The following ARHGEF4 variants were observed in gnomAD, a reference collection of about 807,000 sequenced individuals.
ARHGEF4 encodes Rho guanine nucleotide exchange factor 4.
ARHGEF4 carries 119 observed loss-of-function variants against 162.0 expected under a neutral mutation model. The ratio of observed to expected loss-of-function variants is 0.73; its 90% CI spans 0.63 to 0.86. ARHGEF4 has a LOEUF of 0.86. Among genes scored for constraint, ARHGEF4 ranks in the 40% least tolerant of loss-of-function variants. The pLI is 0.00. For missense variants in ARHGEF4, 2,488 were observed against 2,456.0 expected, an observed-to-expected ratio of 1.01 and a Z score of -0.28; for synonymous variants, 1,014 against 979.9, an observed-to-expected ratio of 1.03 and a Z score of -0.65.
chr2:130,978,800 A>G (rs1018474578), intron 4 of ARHGEF4, among the ~76,000 whole-genome samples: 2 of 152,218 alleles, frequency 1.3e-5, no homozygotes, highest in South Asian at 4.1e-4. Flanking sequence ...AAAAAGAATC[A>G]GCAATATTTC....
Position 130,930,297 on chromosome 2 carries a change from A to G in ARHGEF4, c.3553-655A>G, listed in dbSNP as rs1283067129. ...CAAAGTAGGTGTTCATGGGGTGGGC[A>G]TAGGGGATCGTTAGACTTGGACAAC... On this transcript the variant is annotated intron_variant, in intron 2 of 13. Transcript: ENST00000409359. Among the ~76,000 whole-genome samples, 3 of 152,200 alleles carry G rather than the reference A, an allele frequency of 2.0e-5. No homozygotes were observed. The East Asian group carries it at 5.8e-4, about 29-fold the overall frequency.
At position 131,028,009 on chromosome 2, in the gene ARHGEF4, G is replaced by C. The variant is rs2105368880; in HGVS notation, c.4050G>C (p.Leu1350=). The change falls in exon 5 of 14, where the codon CTG becomes CTC. Residue 1350 remains leucine, a synonymous_variant. Transcript: ENST00000409359. ...CADEVGSEED[L]YDDLHSSSHH... ...ACGAAGTGGGGAGCGAGGAGGACCT[G>C]TATGATGACCTGCACAGCTCCAGCC... 1 of 1,614,104 alleles carries C rather than the reference G, an allele frequency of 6.2e-7. No individual in the cohort carries two copies. The highest frequency in any genetic ancestry group is 1.7e-5 in the Admixed American group (1 of 60,024).
chr2:131,001,164 G>A (rs140566698), intron 4 of ARHGEF4, among the ~76,000 whole-genome samples: 3,334 of 151,846 alleles, frequency 0.022, 128 homozygotes, highest in African/African-American at 0.076. Context: ...TTAGCCGGGC[G>A]TGGCAGTGCA....
At chr2:131,040,516 G>A in intron 8 of ARHGEF4, 76 bp downstream of exon 8, 2 of 1,458,344 alleles carry the variant, frequency 1.4e-6, no homozygotes, top group Non-Finnish European at 1.8e-6. Context: ...GCGGACAGCG[G>A]GTGGCTGGTC....
chr2:131,031,818 G>T (rs1359557473), intron 5 of ARHGEF4, among the ~76,000 whole-genome samples: 2 of 152,144 alleles, frequency 1.3e-5, no homozygotes, highest in African/African-American at 4.8e-5. Flanking sequence ...GACTCTCTTG[G>T]GCTGCACTGT....
At chr2:130,948,056 C>T (rs1052245451) in intron 4 of ARHGEF4, among the ~76,000 whole-genome samples, 1 of 152,200 alleles carries the variant, frequency 6.6e-6, no homozygotes, top group Non-Finnish European at 1.5e-5. Context: ...CAGGTCCTGT[C>T]GGTGCCGAAG....
chr2:131,007,402 C>T (rs1688185278), intron 4 of ARHGEF4, among the ~76,000 whole-genome samples: 1 of 152,190 alleles, frequency 6.6e-6, no homozygotes, highest in South Asian at 2.1e-4. Flanking sequence ...ATAGTTATTA[C>T]TTTTTCACTC....
Position 130,915,952 on chromosome 2 carries a change from G to T in ARHGEF4, c.2006G>T (p.Ser669Ile). The stretch of plus-strand genomic sequence containing the variant: ...AAGGAAAGACCAGAATCTCCCTTGA[G>T]CACTGGCGAGACCCCCTGTGAGTCT... ...FPKERPESPL[S>I]TGETPCESPT... The change falls in exon 2 of 14, where the codon AGC becomes ATC. Residue 669 changes from serine to isoleucine, a missense_variant. By Grantham distance (142) the Ser-to-Ile change is moderately radical (BLOSUM62 -2). This residue lies in a region of ARHGEF4 where 1,642 missense variants were observed against 1,481.5 expected (regional missense o/e 1.11). Coordinates refer to ENST00000409359, the MANE Select transcript of ARHGEF4 (RefSeq NM_001367493.1). The T allele has an allele frequency of 6.4e-7, 1 of 1,550,580 alleles. No individual in the cohort carries two copies. Among genetic ancestry groups the T allele is most frequent in the Non-Finnish European group, 8.7e-7 (1 of 1,146,988 alleles).
At chr2:130,851,224 A>G (rs1391750892) in intron 1 of ARHGEF4, among the ~76,000 whole-genome samples, 1 of 152,256 alleles carries the variant, frequency 6.6e-6, no homozygotes, top group African/African-American at 2.4e-5. Context: ...CCTGGCAGCC[A>G]GGCAGCTGTG....
At position 130,856,121 on chromosome 2, in the gene ARHGEF4, A is replaced by C. The variant is rs190924473; in HGVS notation, c.39+19129A>C. ...TTCAAATAACTAAAGGAAGCCATGA[A>C]TAAAGAATTCAAGGAAGGTGTGATA... On this transcript the variant is annotated intron_variant, in intron 1 of 13. Transcript: ENST00000409359. 2.0e-5 allele frequency among the ~76,000 whole-genome samples: 3 copies of C among 152,360 alleles called. 1 individual carries two copies. The highest frequency in any genetic ancestry group is 1.3e-4 in the Admixed American group (2 of 15,306).
At position 130,968,744 on chromosome 2, in the gene ARHGEF4, C is replaced by T. The variant is rs531158266; in HGVS notation, c.3985+22109C>T. On this transcript the variant is annotated intron_variant, in intron 4 of 13. Transcript: ENST00000409359. ...ACCAGCCCGGCCAAAATAGTGAAAC[C>T]CCGTCTCTACTAAAAATACAAAAAT... 4.9e-4 allele frequency among the ~76,000 whole-genome samples: 75 copies of T among 152,100 alleles called. No individual in the cohort carries two copies. In the South Asian group the frequency reaches 8.1e-3, roughly 16 times the overall value.
At chr2:130,890,217 GA>G (rs1679781542) in intron 1 of ARHGEF4, among the ~76,000 whole-genome samples, 1 of 152,160 alleles carries the variant, frequency 6.6e-6, no homozygotes, top group Non-Finnish European at 1.5e-5. Flanking sequence ...AGTTTAAGCT[GA>G]TATTAAACCA....
intron 4 of ARHGEF4, among the ~76,000 whole-genome samples, chr2:131,007,822 T>G (rs1442994103): frequency 1.5e-5 from 2 of 137,492 alleles, no homozygotes; most frequent in African/African-American, 2.7e-5. Flanking sequence ...TTTTTTTTTT[T>G]TTTTTTGGAG....
chr2:130,917,823 CT>C lies in ARHGEF4; in HGVS notation c.3552+342del, dbSNP rs72157600. Among the ~76,000 whole-genome samples, 52 of 106,934 alleles carry C rather than the reference CT, an allele frequency of 4.9e-4. 1 individual carries two copies. In the East Asian group the frequency reaches 5.6e-3, roughly 12 times the overall value. The allele number at this position is 106,934 out of a possible 152,430, so 70.2% of individuals were successfully genotyped here. A position where few individuals can be genotyped will look rare whatever the true frequency, so the allele number is the denominator to read the frequency against. ...TCTTTTCTTTTCTTTTTCTTTTTTT[CT>C]TTTTTTTTTTTTTTTTGAGACGGAG... On this transcript the variant is annotated intron_variant, in intron 2 of 13. Coordinates refer to ENST00000409359, the MANE Select transcript of ARHGEF4 (RefSeq NM_001367493.1).
chr2:130,844,497 A>G (rs1267967703), intron 1 of ARHGEF4, among the ~76,000 whole-genome samples: 4 of 152,212 alleles, frequency 2.6e-5, no homozygotes, highest in African/African-American at 9.6e-5. Context: ...CGTTTGTACC[A>G]CAGGGGTCGA....
At chr2:130,856,709 C>T (rs1312739341) in intron 1 of ARHGEF4, among the ~76,000 whole-genome samples, 2 of 151,978 alleles carry the variant, frequency 1.3e-5, no homozygotes, top group African/African-American at 2.4e-5. Flanking sequence ...TGTTAAATGA[C>T]GAGTTAATGG....
At chr2:131,039,973 T>C (rs2105405935) in intron 6 of ARHGEF4, 43 bp from the exon 7 acceptor site, 2 of 1,543,338 alleles carry the variant, frequency 1.3e-6, no homozygotes, top group East Asian at 2.5e-5. Context: ...GGGGCGTTGC[T>C]CCGAGGGATG....
Position 130,938,139 on chromosome 2 carries a change from A to C in ARHGEF4, c.3858+6882A>C, listed in dbSNP as rs1683075610. 2.6e-5 allele frequency among the ~76,000 whole-genome samples: 4 copies of C among 152,174 alleles called. 1 individual carries two copies. The highest frequency in any genetic ancestry group is 2.6e-4 in the Admixed American group (4 of 15,270). ...TTGTTTCCAGGTTTGGGCTATTATA[A>C]ATAATATGTTTAATAACATATGTTT... is the stretch of plus-strand genomic sequence containing the variant. On this transcript the variant is annotated intron_variant, in intron 3 of 13. Transcript: ENST00000409359.
intron 5 of ARHGEF4, chr2:131,034,888 CG>C: frequency 1.3e-6 from 1 of 777,564 alleles, no homozygotes; most frequent in Non-Finnish European, 1.6e-6. Flanking sequence ...CCGCCGCCGC[CG>C]CCCCCGCCCG....
Sources: gnomAD v4.1 joint callset for allele counts (sites outside exome capture counted in the v4.1 genomes callset) on GRCh38, gnomAD v4.1.1 for gene constraint, gnomAD v4.1.1 regional missense constraint, MANE v1.5 for transcripts, NCBI Gene and HGNC (gene_info 2026-07-23, HGNC 2026-07-21) for gene names.